The following DOCK4 variants were observed in gnomAD, a reference collection of about 807,000 sequenced individuals.
DOCK4 encodes the protein dedicator of cytokinesis protein 4.
DOCK4 carries 97 observed loss-of-function variants against 268.1 expected under a neutral mutation model. The observed-to-expected ratio is 0.36, with a 90% confidence interval of 0.31 to 0.43. The LOEUF (loss-of-function observed/expected upper bound fraction) is 0.43. DOCK4 is among the 20% of genes least tolerant of loss of function. The pLI is 1.00. For missense variants in DOCK4, 2,145 were observed against 2,455.7 expected (o/e 0.87, Z 2.67); for synonymous variants, 954 against 887.2 (o/e 1.08, Z -1.34).
chr7:111,758,584 C>A, intron 41 of DOCK4, 40 bp downstream of exon 41: 2 of 1,607,702 alleles, frequency 1.2e-6, no homozygotes, highest in Non-Finnish European at 1.7e-6. Context: ...GGCTCGCAGT[C>A]TATCTGAGGA....
At chr7:112,144,876 G>A (rs1426186954) in intron 1 of DOCK4, among the ~76,000 whole-genome samples, 5 of 152,212 alleles carry the variant, frequency 3.3e-5, no homozygotes, top group Admixed American at 2.6e-4. Flanking sequence ...CGAGCAGAGA[G>A]GTGTGATAAG....
At chr7:111,740,471 G>A (rs1371710957) in intron 47 of DOCK4, among the ~76,000 whole-genome samples, 1 of 150,154 alleles carries the variant, frequency 6.7e-6, no homozygotes, top group East Asian at 2.1e-4. Flanking sequence ...AGTAGCTCAT[G>A]CCTGTAATCC....
At chr7:112,119,776 G>A (rs1812555510) in intron 1 of DOCK4, among the ~76,000 whole-genome samples, 1 of 151,832 alleles carries the variant, frequency 6.6e-6, no homozygotes, top group Admixed American at 6.6e-5. Flanking sequence ...TCATGCAGCT[G>A]CCGTAAGGAT....
At chr7:111,868,255 C>T in intron 21 of DOCK4, 101 bp from the exon 22 acceptor site, 3 of 935,296 alleles carry the variant, frequency 3.2e-6, no homozygotes, top group Non-Finnish European at 4.6e-6. Flanking sequence ...TAAACTTTTA[C>T]ATTATTCATG....
At chr7:111,789,826 G>A (rs12671999) in intron 31 of DOCK4, among the ~76,000 whole-genome samples, 17,668 of 152,180 alleles carry the variant, frequency 0.12, 1,774 homozygotes, top group East Asian at 0.52. Flanking sequence ...TGAACAGACA[G>A]TAGGCCTACT....
At chr7:112,042,906 G>T (rs1320351778) in intron 1 of DOCK4, among the ~76,000 whole-genome samples, 1 of 152,124 alleles carries the variant, frequency 6.6e-6, no homozygotes, top group Non-Finnish European at 1.5e-5. Context: ...ATGAAAGCGG[G>T]TTGTTACAAA....
At chr7:111,866,808 T>C (rs1806010001) in intron 22 of DOCK4, among the ~76,000 whole-genome samples, 1 of 152,124 alleles carries the variant, frequency 6.6e-6, no homozygotes, top group African/African-American at 2.4e-5. Context: ...AAAAGAAAAA[T>C]CTCAGGACGA....
At chr7:111,797,130 G>A (rs1799955083) in intron 30 of DOCK4, among the ~76,000 whole-genome samples, 1 of 152,146 alleles carries the variant, frequency 6.6e-6, no homozygotes, top group Admixed American at 6.5e-5. Context: ...CTTAACCTGA[G>A]AACGTTAAAG....
chr7:111,994,929 A>C (rs955088538), intron 4 of DOCK4, among the ~76,000 whole-genome samples: 6 of 152,160 alleles, frequency 3.9e-5, no homozygotes, highest in African/African-American at 1.4e-4. Context: ...AAAAGTCAGA[A>C]ACTATCCTTG....
At chr7:111,944,984 G>A (rs1795505364) in intron 9 of DOCK4, 113 bp from the exon 10 acceptor site, 3 of 833,424 alleles carry the variant, frequency 3.6e-6, no homozygotes, top group Non-Finnish European at 6.1e-6. Context: ...CATTCTTAAT[G>A]GAATGTTTGT....
At chr7:112,039,833 C>T (rs969827977) in intron 1 of DOCK4, among the ~76,000 whole-genome samples, 1 of 152,060 alleles carries the variant, frequency 6.6e-6, no homozygotes, top group Non-Finnish European at 1.5e-5. Context: ...ACACCTGATC[C>T]CTTTACCTGG....
At chr7:112,064,814 G>A (rs1806770930) in intron 1 of DOCK4, among the ~76,000 whole-genome samples, 1 of 152,146 alleles carries the variant, frequency 6.6e-6, no homozygotes, top group Non-Finnish European at 1.5e-5. Flanking sequence ...CAACCTGACT[G>A]GTGTTCTTGT....
At chr7:111,823,478 G>A (rs1349250862) in intron 26 of DOCK4, among the ~76,000 whole-genome samples, 1 of 152,080 alleles carries the variant, frequency 6.6e-6, no homozygotes, top group African/African-American at 2.4e-5. Context: ...AAAGTGCTGG[G>A]ATTCCAGGCA....
At chr7:112,024,165 T>A (rs562467942) in intron 1 of DOCK4, among the ~76,000 whole-genome samples, 7 of 152,298 alleles carry the variant, frequency 4.6e-5, no homozygotes, top group African/African-American at 1.4e-4. Flanking sequence ...AATGACTTCA[T>A]AAAAATAATC....
chr7:112,039,634 A>T (rs60585632), intron 1 of DOCK4, among the ~76,000 whole-genome samples: 1 of 152,148 alleles, frequency 6.6e-6, no homozygotes, highest in Non-Finnish European at 1.5e-5. Flanking sequence ...GGGCTAGAGT[A>T]GAGTCGCAGA....
chr7:111,787,510 A>G (rs1334751686), intron 32 of DOCK4, among the ~76,000 whole-genome samples: 1 of 152,156 alleles, frequency 6.6e-6, no homozygotes, highest in Non-Finnish European at 1.5e-5. Context: ...ATCACCCACC[A>G]CTACCACAGG....
chr7:112,010,275 A>G (rs1314216210), intron 1 of DOCK4, among the ~76,000 whole-genome samples: 2 of 152,204 alleles, frequency 1.3e-5, no homozygotes, highest in Admixed American at 6.5e-5. Context: ...ATTTCAAGGT[A>G]CTTCCCTGTT....
At chr7:111,797,401 T>C (rs1407730455) in intron 30 of DOCK4, among the ~76,000 whole-genome samples, 2 of 152,110 alleles carry the variant, frequency 1.3e-5, no homozygotes, top group Non-Finnish European at 2.9e-5. Context: ...CCCTAATAGG[T>C]ATATAGAAGT....
chr7:111,938,485 G>C (rs566282022), intron 11 of DOCK4, among the ~76,000 whole-genome samples: 45 of 152,282 alleles, frequency 3.0e-4, no homozygotes, highest in African/African-American at 1.0e-3. Flanking sequence ...CCTCAAACCA[G>C]GAGTGTGGAA....
Sources: allele counts gnomAD v4.1 joint callset (sites outside exome capture counted in the v4.1 genomes callset), GRCh38; gene constraint gnomAD v4.1.1; transcripts MANE v1.5; gene names NCBI Gene and HGNC (gene_info 2026-07-23, HGNC 2026-07-21).